ARHGEF26: variants seen among roughly 807,000 people sequenced by gnomAD.
The protein encoded by ARHGEF26 is Rho guanine nucleotide exchange factor 26.
In ARHGEF26, 59 loss-of-function variants were observed where a neutral mutation model predicts 89.4. The observed-to-expected ratio is 0.66, with a 90% CI of 0.54 to 0.82. The LOEUF (loss-of-function observed/expected upper bound fraction) is 0.82. Ranked by LOEUF, ARHGEF26 falls within the 40% of genes least tolerant of loss-of-function variation. ARHGEF26 has a pLI of 0.00. For missense variants in ARHGEF26, 1,234 were observed against 1,085.6 expected (o/e 1.14, Z -1.92); for synonymous variants, 500 against 428.4 (o/e 1.17, Z -2.06).
In ARHGEF26 at chr3:154,187,380, ATTT is replaced by A. The variant is rs35918903; in HGVS notation, c.1488-288_1488-286del. ...GCCAAACACTTGAAGCAATAACTTG[ATTT>A]TTTTTTTTTTTTTTTTGGTTTTGTC... On this transcript the variant is annotated intron_variant, in intron 6 of 14. Coordinates refer to ENST00000465093, the MANE Select transcript of ARHGEF26 (RefSeq NM_015595.4). Among the ~76,000 whole-genome samples, 7 of 127,084 alleles carry A rather than the reference ATTT, an allele frequency of 5.5e-5. No individual in the cohort carries two copies. The South Asian group carries it at 1.3e-3, about 23-fold the overall frequency. The allele number at this position is 127,084 out of a possible 152,430, so 83.4% of individuals were successfully genotyped here. A position where few individuals can be genotyped will look rare whatever the true frequency, so the allele number is the denominator to read the frequency against.
At position 154,191,317 on chromosome 3, in the gene ARHGEF26, T is replaced by C. The variant is rs1228878815; in HGVS notation, c.1669T>C (p.Leu557=). The part of the protein sequence containing the change: ...LATNPSFKEV[L]SRIESHEDCR... ...TACCAATCCATCCTTTAAGGAAGTATTGTCAAGGATTGAGTCCCATGAAGA... is the reference window on the plus strand; with the variant it reads ...TACCAATCCATCCTTTAAGGAAGTACTGTCAAGGATTGAGTCCCATGAAGA... Residue 557 remains leucine (L), a synonymous_variant, in exon 8 of 15, where the codon TTG becomes CTG. Coordinates refer to ENST00000465093, the MANE Select transcript of ARHGEF26 (RefSeq NM_015595.4). 2 of 1,612,966 alleles carry C rather than the reference T, an allele frequency of 1.2e-6. No individual in the cohort carries two copies. Among genetic ancestry groups the C allele is most frequent in the East Asian group, 2.2e-5 (1 of 44,872 alleles).
At chr3:154,231,844 T>G (rs1032531312) in intron 11 of ARHGEF26, among the ~76,000 whole-genome samples, 2 of 151,904 alleles carry the variant, frequency 1.3e-5, no homozygotes, top group African/African-American at 4.8e-5. Flanking sequence ...AAACTATTGG[T>G]CAATTTTTAT....
intron 4 of ARHGEF26, among the ~76,000 whole-genome samples, chr3:154,132,576 G>C (rs1222658529): frequency 6.6e-6 from 1 of 152,078 alleles, no homozygotes; most frequent in Non-Finnish European, 1.5e-5. Context: ...GAGGCTTCGT[G>C]CATCATTAAC....
intron 10 of ARHGEF26, among the ~76,000 whole-genome samples, chr3:154,224,021 C>T (rs1044659379): frequency 2.0e-5 from 3 of 151,894 alleles, no homozygotes; most frequent in African/African-American, 7.3e-5. Flanking sequence ...CAGACTATTT[C>T]AGTACTATTT....
chr3:154,248,263 T>C (rs911675844), intron 12 of ARHGEF26, among the ~76,000 whole-genome samples: 7 of 152,126 alleles, frequency 4.6e-5, no homozygotes, highest in African/African-American at 1.7e-4. Context: ...ATGAATGTGG[T>C]TGGTGCTGTC....
intron 3 of ARHGEF26, among the ~76,000 whole-genome samples, chr3:154,128,509 G>A (rs1181774618): frequency 6.6e-6 from 1 of 152,114 alleles, no homozygotes; most frequent in Non-Finnish European, 1.5e-5. Context: ...AAAGTGCTGA[G>A]ATTACAAGTG....
intron 9 of ARHGEF26, among the ~76,000 whole-genome samples, chr3:154,202,968 T>G (rs987178080): frequency 6.6e-6 from 1 of 152,158 alleles, no homozygotes; most frequent in Non-Finnish European, 1.5e-5. Flanking sequence ...ACTTCCTGTT[T>G]TCCTAATTGA....
At chr3:154,170,968 A>G (rs1277734053) in intron 6 of ARHGEF26, among the ~76,000 whole-genome samples, 1 of 152,204 alleles carries the variant, frequency 6.6e-6, no homozygotes, top group African/African-American at 2.4e-5. Flanking sequence ...TTCTTCAAGA[A>G]GTAAGTTGAA....
intron 4 of ARHGEF26, among the ~76,000 whole-genome samples, chr3:154,136,890 A>G (rs1208473309): frequency 6.6e-6 from 1 of 152,118 alleles, no homozygotes; most frequent in Non-Finnish European, 1.5e-5. Context: ...TTGTGTGTGT[A>G]TAAGATATGG....
chr3:154,135,647 G>T (rs1718957411), intron 4 of ARHGEF26, among the ~76,000 whole-genome samples: 1 of 152,182 alleles, frequency 6.6e-6, no homozygotes, highest in African/African-American at 2.4e-5. Context: ...GCAGTTCTTG[G>T]ATCTCTGGGA....
In ARHGEF26 at chr3:154,243,383, CCTGA is replaced by C. The variant is rs1476380729; in HGVS notation, c.2300+2808_2300+2811del. ...TTGCCAACATCTCAACAGAGATTTT[CCTGA>C]CTGTCTCATTCATAATTTATGTAGT... is the stretch of plus-strand genomic sequence containing the variant. On this transcript the variant is annotated intron_variant, in intron 12 of 14. Coordinates refer to ENST00000465093, the MANE Select transcript of ARHGEF26 (RefSeq NM_015595.4). Among the ~76,000 whole-genome samples the C allele has an allele frequency of 7.9e-5, 12 of 152,296 alleles. No homozygotes were observed. The South Asian group carries it at 1.7e-3, about 21-fold the overall frequency.
intron 4 of ARHGEF26, among the ~76,000 whole-genome samples, chr3:154,134,344 G>A (rs1223866183): frequency 1.3e-5 from 2 of 152,146 alleles, no homozygotes; most frequent in Non-Finnish European, 2.9e-5. Flanking sequence ...TGTGTCTGGG[G>A]AGGACTCTGG....
At chr3:154,194,590 A>G (rs570204437) in intron 8 of ARHGEF26, 54 bp from the exon 9 acceptor site, 456 of 1,340,890 alleles carry the variant, frequency 3.4e-4, no homozygotes, top group Middle Eastern at 9.1e-4. Context: ...CATTGGTTTT[A>G]TTTTACTTAA....
chr3:154,245,075 T>A (rs1717717901), intron 12 of ARHGEF26, among the ~76,000 whole-genome samples: 1 of 152,262 alleles, frequency 6.6e-6, no homozygotes, highest in Non-Finnish European at 1.5e-5. Flanking sequence ...TCGCCGGGGC[T>A]GGAGTGCAGT....
intron 10 of ARHGEF26, 80 bp downstream of exon 10, chr3:154,218,038 A>T (rs1715890643): frequency 2.4e-6 from 3 of 1,263,482 alleles, no homozygotes; most frequent in Non-Finnish European, 3.3e-6. Context: ...GCAACAAAGT[A>T]GATAGGAAAT....
At chr3:154,149,552 A>G (rs1719894416) in intron 5 of ARHGEF26, 107 bp downstream of exon 5, 1 of 926,804 alleles carries the variant, frequency 1.1e-6, no homozygotes, top group South Asian at 2.7e-5. Flanking sequence ...TTGCCCTTTG[A>G]AAATGTATTT....
intron 4 of ARHGEF26, among the ~76,000 whole-genome samples, chr3:154,136,057 T>C (rs991180089): frequency 4.6e-5 from 7 of 152,066 alleles, no homozygotes; most frequent in African/African-American, 1.4e-4. Context: ...TTGAAAAGGG[T>C]GTTCTCTGTT....
At chr3:154,155,356 A>G (rs1405899) in intron 6 of ARHGEF26, among the ~76,000 whole-genome samples, 27,095 of 151,948 alleles carry the variant, frequency 0.18, 2,927 homozygotes, top group East Asian at 0.36. Context: ...ACACAAGAAT[A>G]TTTGCTTTGA....
chr3:154,124,283 A>C, intron 2 of ARHGEF26, 127 bp from the exon 3 acceptor site: 1 of 668,400 alleles, frequency 1.5e-6, no homozygotes, highest in Non-Finnish European at 2.5e-6. Flanking sequence ...GCTCTTGGAA[A>C]TCTAATTAAT....
Sources: allele counts gnomAD v4.1 joint callset (sites outside exome capture counted in the v4.1 genomes callset), GRCh38; gene constraint gnomAD v4.1.1; transcripts MANE v1.5; gene names NCBI Gene and HGNC (gene_info 2026-07-23, HGNC 2026-07-21).